The following MACROD2 variants were observed in gnomAD, a reference collection of about 807,000 sequenced individuals.
MACROD2 encodes the protein ADP-ribose glycohydrolase MACROD2.
In MACROD2, 36 loss-of-function variants were observed where a neutral mutation model predicts 70.4. The ratio of observed to expected loss-of-function variants is 0.51; its 90% CI spans 0.39 to 0.68. The LOEUF is 0.68. Ranked by LOEUF, MACROD2 falls within the 30% of genes least tolerant of loss-of-function variation. The probability of loss-of-function intolerance (pLI) is 0.00; values close to 1 mark genes in which losing one functional copy is unlikely to be tolerated. For missense variants in MACROD2, 496 were observed against 538.4 expected (o/e 0.92, Z 0.78); for synonymous variants, 172 against 178.8 (o/e 0.96, Z 0.30).
At chr20:14,029,722 G>T (rs946210407) in intron 2 of MACROD2, among the ~76,000 whole-genome samples, 1 of 152,140 alleles carries the variant, frequency 6.6e-6, no homozygotes, top group Admixed American at 6.5e-5. Context: ...TCTTCACTGG[G>T]TGGTAATTGA....
chr20:14,831,934 T>G (rs1472696972), intron 5 of MACROD2, among the ~76,000 whole-genome samples: 1 of 146,226 alleles, frequency 6.8e-6, no homozygotes, highest in Non-Finnish European at 1.5e-5. Flanking sequence ...GGGGATGCAT[T>G]CTGACTATAT....
rs189725418 is a variant in MACROD2 at position 14,177,089 on chromosome 20, G to T, written c.271+91361G>T. Among the ~76,000 whole-genome samples the T allele has an allele frequency of 3.8e-3, 578 of 152,246 alleles. 1 individual carries two copies. Among genetic ancestry groups the T allele is most frequent in the Non-Finnish European group, 4.3e-3 (292 of 68,010 alleles). ...AACACTCAACATTATTAAGATGTTA[G>T]TTCTCCTTACTACATTAGTGTACAA... On this transcript the variant is annotated intron_variant, in intron 3 of 17. Coordinates refer to ENST00000684519, the MANE Select transcript of MACROD2 (RefSeq NM_001351661.2).
chr20:14,814,031 C>G (rs892682165), intron 5 of MACROD2, among the ~76,000 whole-genome samples: 1 of 152,066 alleles, frequency 6.6e-6, no homozygotes, highest in East Asian at 1.9e-4. Context: ...AATTCCAAGG[C>G]TTTTAGGAGC....
chr20:14,452,998 T>C (rs1401602049), intron 3 of MACROD2, among the ~76,000 whole-genome samples: 1 of 152,138 alleles, frequency 6.6e-6, no homozygotes, highest in African/African-American at 2.4e-5. Context: ...TTGATTTCAA[T>C]TACCTTATCT....
At chr20:14,177,974 A>G (rs2148728922) in intron 3 of MACROD2, among the ~76,000 whole-genome samples, 1 of 152,310 alleles carries the variant, frequency 6.6e-6, no homozygotes, top group South Asian at 2.1e-4. Context: ...TTAAAATCAG[A>G]GGCAATAAAA....
intron 8 of MACROD2, among the ~76,000 whole-genome samples, chr20:15,819,465 G>GTATATAAATATATAGTTATATTGA (rs2063915703): frequency 2.8e-5 from 4 of 141,614 alleles, no homozygotes; most frequent in Non-Finnish European, 6.1e-5. Context: ...AAATATATAA[G>GTATATAAATATATAGTTATATTGA]TATATAAATA....
At position 15,458,639 on chromosome 20, in the gene MACROD2, TAA is replaced by T. The variant is rs71340228; in HGVS notation, c.571+27215_571+27216del. On this transcript the variant is annotated intron_variant, in intron 7 of 17. Transcript: ENST00000684519. Reference sequence around the variant, plus strand: ...TTTTTGTTTTTTTGTTTTTTTTTTTTAAAAAAAAAAAAGATTGTGCCATTTAT... The same window carrying T: ...TTTTTGTTTTTTTGTTTTTTTTTTTTAAAAAAAAAAGATTGTGCCATTTAT... Among the ~76,000 whole-genome samples, 416 of 116,982 alleles carry T rather than the reference TAA, an allele frequency of 3.6e-3. 5 individuals carry two copies. Among genetic ancestry groups the T allele is most frequent in the East Asian group, 0.015 (69 of 4,644 alleles). 76.7% of individuals were successfully genotyped at this position (116,982 alleles called of 152,430 possible). A position where few individuals can be genotyped will look rare whatever the true frequency, so the allele number is the denominator to read the frequency against.
intron 5 of MACROD2, among the ~76,000 whole-genome samples, chr20:15,071,980 G>A (rs149997111): frequency 1.3e-3 from 192 of 152,010 alleles, no homozygotes; most frequent in African/African-American, 4.5e-3. Flanking sequence ...TTTTTAAGGG[G>A]GAAATGTGTT....
intron 2 of MACROD2, among the ~76,000 whole-genome samples, chr20:14,030,120 A>G (rs1414294938): frequency 6.6e-6 from 1 of 151,822 alleles, no homozygotes; most frequent in African/African-American, 2.4e-5. Context: ...GCAGCCTCCA[A>G]CTCCAGGGCT....
intron 3 of MACROD2, among the ~76,000 whole-genome samples, chr20:14,167,669 G>A (rs1209923873): frequency 1.3e-5 from 2 of 152,124 alleles, no homozygotes; most frequent in Non-Finnish European, 2.9e-5. Context: ...GATTACAGGC[G>A]TGAGCCACCG....
intron 3 of MACROD2, among the ~76,000 whole-genome samples, chr20:14,401,203 C>T (rs1280386960): frequency 6.6e-6 from 1 of 152,194 alleles, no homozygotes; most frequent in African/African-American, 2.4e-5. Context: ...CTGCATATTT[C>T]CATTCCAGTA....
At chr20:14,663,134 A>T (rs1461068511) in intron 4 of MACROD2, among the ~76,000 whole-genome samples, 1 of 152,258 alleles carries the variant, frequency 6.6e-6, no homozygotes, top group East Asian at 1.9e-4. Context: ...TATATATACC[A>T]TGGAATACTA....
chr20:15,552,074 C>G (rs2048107152), intron 8 of MACROD2: 1 of 151,938 alleles, frequency 6.6e-6, no homozygotes, highest in Admixed American at 6.6e-5. Flanking sequence ...TTAATTAGAG[C>G]TAGGGAAGTT....
intron 5 of MACROD2, among the ~76,000 whole-genome samples, chr20:15,135,079 A>C (rs1051968834): frequency 1.7e-4 from 26 of 152,208 alleles, no homozygotes; most frequent in African/African-American, 6.0e-4. Flanking sequence ...TCAATAACTT[A>C]CCAACCAAAA....
At chr20:16,030,697 A>G (rs902665734) in intron 15 of MACROD2, among the ~76,000 whole-genome samples, 2 of 152,232 alleles carry the variant, frequency 1.3e-5, no homozygotes, top group African/African-American at 4.8e-5. Context: ...AGAGAAATAA[A>G]TCAGTTAAGA....
At chr20:15,471,541 T>C (rs1313103990) in intron 7 of MACROD2, among the ~76,000 whole-genome samples, 1 of 152,224 alleles carries the variant, frequency 6.6e-6, no homozygotes. Flanking sequence ...TCTGTTTGAT[T>C]CCCACACCTG....
At chr20:14,865,514 A>G (rs1318198467) in intron 5 of MACROD2, among the ~76,000 whole-genome samples, 1 of 151,934 alleles carries the variant, frequency 6.6e-6, no homozygotes, top group Non-Finnish European at 1.5e-5. Context: ...TTAAATACCA[A>G]ACGTTTCCTG....
chr20:14,216,521 G>T (rs999265351), intron 3 of MACROD2, among the ~76,000 whole-genome samples: 10 of 151,670 alleles, frequency 6.6e-5, no homozygotes, highest in Non-Finnish European at 1.0e-4. Context: ...TTTTAGAATT[G>T]TTTTTTTTAA....
At chr20:14,479,391 C>T (rs1312906591) in intron 3 of MACROD2, among the ~76,000 whole-genome samples, 1 of 152,096 alleles carries the variant, frequency 6.6e-6, no homozygotes, top group Non-Finnish European at 1.5e-5. Context: ...CCTGCTGGTT[C>T]ATCAGCTTAT....
Sources: gnomAD v4.1 joint callset for allele counts (sites outside exome capture counted in the v4.1 genomes callset) on GRCh38, gnomAD v4.1.1 for gene constraint, MANE v1.5 for transcripts, NCBI Gene and HGNC (gene_info 2026-07-23, HGNC 2026-07-21) for gene names.